The following TINAG variants were observed in gnomAD, a reference collection of about 807,000 sequenced individuals.
The protein encoded by TINAG is tubulointerstitial nephritis antigen.
Under a neutral mutation model 72.7 loss-of-function variants are expected in TINAG, and 83 were observed. The ratio of observed to expected loss-of-function variants is 1.14; its 90% confidence interval spans 0.96 to 1.37. The LOEUF (loss-of-function observed/expected upper bound fraction) is 1.37, where lower values mean the gene tolerates loss of function less well. TINAG is among the 40% of genes most tolerant of loss of function. The probability of loss-of-function intolerance (pLI) is 0.00; values close to 1 mark genes in which losing one functional copy is unlikely to be tolerated. For synonymous variants in TINAG, 234 were observed against 189.9 expected (o/e 1.23, Z -1.91); for missense variants, 685 against 576.6 (o/e 1.19, Z -1.93).
intron 4 of TINAG, among the ~76,000 whole-genome samples, chr6:54,337,593 C>T (rs771311332): frequency 8.5e-5 from 13 of 152,108 alleles, no homozygotes; most frequent in Non-Finnish European, 1.5e-4. Context: ...ATAACCCTGT[C>T]TGAACAAACA....
intron 4 of TINAG, among the ~76,000 whole-genome samples, chr6:54,340,778 A>G (rs1024065481): frequency 1.3e-5 from 2 of 152,008 alleles, no homozygotes; most frequent in Non-Finnish European, 2.9e-5. Context: ...TTGTTGTTTC[A>G]CTATTGCCTT....
intron 1 of TINAG, among the ~76,000 whole-genome samples, chr6:54,313,331 T>C (rs145869143): frequency 3.5e-4 from 53 of 152,218 alleles, no homozygotes; most frequent in African/African-American, 1.2e-3. Context: ...ATATAGTTTC[T>C]AATAGTGACA....
At chr6:54,357,266 T>G (rs1237839614) in intron 9 of TINAG, among the ~76,000 whole-genome samples, 1 of 151,854 alleles carries the variant, frequency 6.6e-6, no homozygotes, top group African/African-American at 2.4e-5. Context: ...TGCCCTAGTC[T>G]CAGGTCTTGT....
At chr6:54,388,183 A>C (rs1020176757) in intron 10 of TINAG, among the ~76,000 whole-genome samples, 1 of 152,186 alleles carries the variant, frequency 6.6e-6, no homozygotes, top group African/African-American at 2.4e-5. Flanking sequence ...ATTTTATTTG[A>C]TATATAGATA....
intron 9 of TINAG, among the ~76,000 whole-genome samples, chr6:54,363,550 G>A (rs1274419976): frequency 6.7e-6 from 1 of 149,966 alleles, no homozygotes; most frequent in Non-Finnish European, 1.5e-5. Flanking sequence ...CAATGAGATG[G>A]AGAAAAAGTC....
intron 1 of TINAG, among the ~76,000 whole-genome samples, chr6:54,310,887 C>G (rs147198894): frequency 0.013 from 959 of 74,688 alleles, 13 homozygotes; most frequent in African/African-American, 0.04. Context: ...TTTTCTCTCT[C>G]TATTTCTCTC....
intron 9 of TINAG, among the ~76,000 whole-genome samples, chr6:54,354,932 T>G (rs1249775486): frequency 6.6e-6 from 1 of 151,856 alleles, no homozygotes. Flanking sequence ...TAAGGCATAA[T>G]CAAGGGAAGA....
chr6:54,380,560 G>A lies in TINAG; in HGVS notation c.1285G>A (p.Glu429Lys). Reference sequence around the variant, plus strand: ...ACTGAGAGGAGCACAAGGGCAGAAAGAAAAATTTTGGGTATGTAACTCTTT... The same window carrying A: ...ACTGAGAGGAGCACAAGGGCAGAAAAAAAAATTTTGGGTATGTAACTCTTT... ...GTLRGAQGQK[E>K]KFWIAANSWG... Residue 429 changes from glutamate (E) to lysine (K), a missense_variant, in exon 10 of 11, where the codon GAA becomes AAA. Coordinates refer to ENST00000259782, the MANE Select transcript of TINAG (RefSeq NM_014464.4). 6.2e-7 allele frequency: 1 copy of A among 1,610,518 alleles called. No individual in the cohort carries two copies. Among genetic ancestry groups the A allele is most frequent in the Non-Finnish European group, 8.5e-7 (1 of 1,177,836 alleles).
intron 9 of TINAG, among the ~76,000 whole-genome samples, chr6:54,366,494 A>G (rs987405730): frequency 1.3e-5 from 2 of 151,584 alleles, no homozygotes; most frequent in African/African-American, 2.4e-5. Context: ...GAAATTCTTT[A>G]AAAACACATA....
intron 5 of TINAG, among the ~76,000 whole-genome samples, chr6:54,344,381 C>T (rs2150955535): frequency 6.6e-6 from 1 of 152,286 alleles, no homozygotes; most frequent in East Asian, 1.9e-4. Flanking sequence ...CACACCCCCT[C>T]TCTGGCTATC....
upstream of TINAG, chr6:54,308,397 A>T: frequency 1.5e-6 from 1 of 658,926 alleles, no homozygotes; most frequent in Non-Finnish European, 2.6e-6. Flanking sequence ...ATTAATGTTT[A>T]ACTATGAGAA....
chr6:54,340,358 T>C (rs930260111), intron 4 of TINAG, among the ~76,000 whole-genome samples: 2 of 151,238 alleles, frequency 1.3e-5, no homozygotes, highest in African/African-American at 4.9e-5. Context: ...TTTCTGTCAC[T>C]ATCAGCTGAT....
chr6:54,337,902 G>C (rs1784905002), intron 4 of TINAG, among the ~76,000 whole-genome samples: 1 of 152,126 alleles, frequency 6.6e-6, no homozygotes, highest in South Asian at 2.1e-4. Context: ...GCTCATCTCA[G>C]AATTTTTTCA....
intron 1 of TINAG, among the ~76,000 whole-genome samples, chr6:54,314,345 A>G (rs1182001578): frequency 1.3e-5 from 2 of 152,130 alleles, no homozygotes; most frequent in Non-Finnish European, 2.9e-5. Flanking sequence ...TCCAAAAGTG[A>G]TATTTGAGTC....
intron 10 of TINAG, among the ~76,000 whole-genome samples, chr6:54,380,946 T>C (rs1763928044): frequency 6.7e-6 from 1 of 148,434 alleles, no homozygotes. Flanking sequence ...TATACATATA[T>C]ATGTATATAT....
At chr6:54,326,210 A>AT (rs1784598564) in intron 3 of TINAG, among the ~76,000 whole-genome samples, 3 of 151,862 alleles carry the variant, frequency 2.0e-5, no homozygotes, top group Non-Finnish European at 4.4e-5. Context: ...ACATCAACTG[A>AT]TTTTTTATTA....
At chr6:54,308,064 T>C, upstream of TINAG, 1 of 1,549,910 alleles carries the variant, frequency 6.5e-7, no homozygotes. Context: ...GCAGGCAACC[T>C]CATGAGAGCC....
At chr6:54,381,272 A>G (rs1306189080) in intron 10 of TINAG, among the ~76,000 whole-genome samples, 2 of 151,656 alleles carry the variant, frequency 1.3e-5, no homozygotes, top group East Asian at 3.9e-4. Flanking sequence ...GTAAGAAACA[A>G]TTTGAAGAAG....
intron 9 of TINAG, among the ~76,000 whole-genome samples, chr6:54,373,576 A>G (rs1763693623): frequency 6.6e-6 from 1 of 152,108 alleles, no homozygotes; most frequent in Non-Finnish European, 1.5e-5. Context: ...CCCTTTATCT[A>G]TGAAATATAT....
Sources: allele counts gnomAD v4.1 joint callset (sites outside exome capture counted in the v4.1 genomes callset), GRCh38; gene constraint gnomAD v4.1.1; transcripts MANE v1.5; gene names NCBI Gene and HGNC (gene_info 2026-07-23, HGNC 2026-07-21).